FAM124B: variants seen among roughly 807,000 people sequenced by gnomAD.
FAM124B encodes the protein protein FAM124B.
Under a neutral mutation model 19.7 loss-of-function variants are expected in FAM124B, and 18 were observed. The observed-to-expected ratio is 0.92, with a 90% CI of 0.63 to 1.36. The LOEUF is 1.36. FAM124B is among the 40% of genes most tolerant of loss of function. The pLI, the probability that FAM124B is intolerant of heterozygous loss-of-function variation, is 0.00. For missense variants in FAM124B, 540 were observed against 553.3 expected (o/e 0.98, Z 0.24); for synonymous variants, 223 against 225.2 (o/e 0.99, Z 0.09).
chr2:224,393,070 T>C (rs1689914341), intron 1 of FAM124B, among the ~76,000 whole-genome samples: 1 of 152,234 alleles, frequency 6.6e-6, no homozygotes, highest in South Asian at 2.1e-4. Flanking sequence ...GACAGTGCAT[T>C]CGTCTAGAGA....
chr2:224,396,663 G>A (rs1488361053), intron 1 of FAM124B, among the ~76,000 whole-genome samples: 7 of 152,156 alleles, frequency 4.6e-5, no homozygotes, highest in Non-Finnish European at 1.0e-4. Flanking sequence ...AGCATCTAGG[G>A]GTAGAAGCCA....
intron 1 of FAM124B, among the ~76,000 whole-genome samples, chr2:224,384,295 T>A (rs1300915477): frequency 6.6e-6 from 1 of 152,038 alleles, no homozygotes; most frequent in East Asian, 1.9e-4. Flanking sequence ...ACATCAACAC[T>A]CCCAATCCCC....
intron 1 of FAM124B, among the ~76,000 whole-genome samples, chr2:224,388,995 C>T (rs1018846559): frequency 1.3e-5 from 2 of 152,164 alleles, no homozygotes; most frequent in African/African-American, 2.4e-5. Context: ...TGCTGTGGCA[C>T]GATCTCAGCT....
chr2:224,381,620 T>C (rs1465587692), intron 1 of FAM124B, among the ~76,000 whole-genome samples: 2 of 152,180 alleles, frequency 1.3e-5, no homozygotes, highest in Admixed American at 6.5e-5. Flanking sequence ...CACATCCTTA[T>C]ACATTTGTCC....
At chr2:224,394,472 A>G (rs534029813) in intron 1 of FAM124B, among the ~76,000 whole-genome samples, 2 of 152,282 alleles carry the variant, frequency 1.3e-5, no homozygotes, top group South Asian at 2.1e-4. Flanking sequence ...TATTTCCATT[A>G]TGAGTTCCCT....
At chr2:224,396,645 C>T (rs572322236) in intron 1 of FAM124B, among the ~76,000 whole-genome samples, 1 of 152,364 alleles carries the variant, frequency 6.6e-6, no homozygotes, top group African/African-American at 2.4e-5. Flanking sequence ...TCCCACAGAA[C>T]ACCACACAGC....
intron 1 of FAM124B, among the ~76,000 whole-genome samples, chr2:224,384,413 C>A (rs184862467): frequency 9.1e-4 from 138 of 152,334 alleles, no homozygotes; most frequent in Non-Finnish European, 1.7e-3. Context: ...ACTCCCCTCA[C>A]TATTCCCATT....
At chr2:224,395,114 A>C (rs1344961221) in intron 1 of FAM124B, among the ~76,000 whole-genome samples, 2 of 152,190 alleles carry the variant, frequency 1.3e-5, no homozygotes, top group Non-Finnish European at 2.9e-5. Context: ...ACCAATGCTA[A>C]CTCAGTGACC....
chr2:224,391,545 A>G (rs570560256), intron 1 of FAM124B, among the ~76,000 whole-genome samples: 1 of 152,328 alleles, frequency 6.6e-6, no homozygotes, highest in African/African-American at 2.4e-5. Flanking sequence ...TGAAAGAAGT[A>G]TATTATCTAA....
Position 224,398,830 on chromosome 2 carries a change from G to A in FAM124B, c.732+2207C>T, listed in dbSNP as rs188449790. Among the ~76,000 whole-genome samples, 376 of 152,306 alleles carry A rather than the reference G, an allele frequency of 2.5e-3. 1 individual carries two copies. Among genetic ancestry groups the A allele is most frequent in the Non-Finnish European group, 2.8e-3 (193 of 68,020 alleles). ...ATCTCCACTAAAAATACAAAAATTA[G>A]CTGGGCATGTTGGCAGGCACCTGTA... On this transcript the variant is annotated intron_variant, in intron 1 of 1. Coordinates refer to ENST00000409685, the MANE Select transcript of FAM124B (RefSeq NM_001122779.2).
chr2:224,381,527 G>A (rs1340875161), intron 1 of FAM124B, among the ~76,000 whole-genome samples: 1 of 152,022 alleles, frequency 6.6e-6, no homozygotes, highest in African/African-American at 2.4e-5. Context: ...GCCAGGGGTT[G>A]GGGGGAGGGA....
At chr2:224,390,114 TACACACAC>T (rs59825011) in intron 1 of FAM124B, among the ~76,000 whole-genome samples, 4,164 of 131,752 alleles carry the variant, frequency 0.032, 174 homozygotes, top group African/African-American at 0.098. Flanking sequence ...GTCTTTGAAA[TACACACAC>T]ACACACACAC....
At chr2:224,400,361 C>A (rs1690044979) in intron 1 of FAM124B, 3 of 636,686 alleles carry the variant, frequency 4.7e-6, no homozygotes, top group Admixed American at 4.8e-5. Context: ...AATAAAATAG[C>A]CAGACATGGC....
At chr2:224,391,388 A>G (rs1343820111) in intron 1 of FAM124B, among the ~76,000 whole-genome samples, 1 of 151,916 alleles carries the variant, frequency 6.6e-6, no homozygotes, top group African/African-American at 2.4e-5. Context: ...TAATCTTGCA[A>G]TTTTAAAAAA....
chr2:224,381,777 G>A (rs1007122904), intron 1 of FAM124B, among the ~76,000 whole-genome samples: 2 of 152,130 alleles, frequency 1.3e-5, no homozygotes, highest in Non-Finnish European at 2.9e-5. Context: ...GCTCTTTTCG[G>A]GGGGAAGGTT....
At chr2:224,392,041 T>C (rs1304271525) in intron 1 of FAM124B, among the ~76,000 whole-genome samples, 1 of 152,216 alleles carries the variant, frequency 6.6e-6, no homozygotes. Flanking sequence ...TGTTGTAATC[T>C]TAAAATATAA....
At chr2:224,395,450 G>A (rs373485707) in intron 1 of FAM124B, among the ~76,000 whole-genome samples, 22 of 152,250 alleles carry the variant, frequency 1.4e-4, no homozygotes, top group African/African-American at 5.3e-4. Flanking sequence ...CATCACCCAT[G>A]CTACCTTCCC....
intron 1 of FAM124B, among the ~76,000 whole-genome samples, chr2:224,390,347 C>T (rs1689861634): frequency 6.6e-6 from 1 of 151,914 alleles, no homozygotes; most frequent in South Asian, 2.1e-4. Context: ...ACTCAGGGTG[C>T]AGAATGGCAG....
At chr2:224,388,636 A>G (rs185676496) in intron 1 of FAM124B, among the ~76,000 whole-genome samples, 1 of 152,362 alleles carries the variant, frequency 6.6e-6, no homozygotes, top group East Asian at 1.9e-4. Context: ...CTGGAAATGT[A>G]TAGTGGTGAT....
Sources: gnomAD v4.1 joint callset for allele counts (sites outside exome capture counted in the v4.1 genomes callset) on GRCh38, gnomAD v4.1.1 for gene constraint, MANE v1.5 for transcripts, NCBI Gene and HGNC (gene_info 2026-07-23, HGNC 2026-07-21) for gene names.